KANK4: variants seen among roughly 807,000 people sequenced by gnomAD.
KANK4 encodes KN motif and ankyrin repeat domains 4.
A neutral mutation model predicts 80.8 loss-of-function variants in KANK4; 50 were observed. The ratio of observed to expected loss-of-function variants is 0.62; its 90% CI spans 0.49 to 0.78. KANK4 has a LOEUF of 0.78. Among genes scored for constraint, KANK4 ranks in the 30% least tolerant of loss-of-function variants. KANK4 has a pLI of 0.00. For missense variants in KANK4, 1,196 were observed against 1,240.1 expected, an observed-to-expected ratio of 0.96 and a Z score of 0.53; for synonymous variants, 465 against 506.9, an observed-to-expected ratio of 0.92 and a Z score of 1.11.
intron 1 of KANK4, among the ~76,000 whole-genome samples, chr1:62,301,683 T>C (rs966969089): frequency 6.6e-5 from 10 of 151,874 alleles, no homozygotes; most frequent in African/African-American, 2.2e-4. Context: ...AGCGTCCAAA[T>C]AGCTAACACG....
intron 9 of KANK4, among the ~76,000 whole-genome samples, chr1:62,240,677 AAATT>A (rs1557463450): frequency 1.3e-5 from 2 of 152,136 alleles, no homozygotes; most frequent in Non-Finnish European, 2.9e-5. Context: ...CTCAAAAAAT[AAATT>A]AATTAATTAA....
chr1:62,266,067 T>C (rs1185183479), intron 6 of KANK4, among the ~76,000 whole-genome samples: 1 of 152,216 alleles, frequency 6.6e-6, no homozygotes, highest in Non-Finnish European at 1.5e-5. Context: ...TTTCACACTC[T>C]GTCCACAGTC....
chr1:62,248,366 GT>G (rs1238273642), intron 8 of KANK4, among the ~76,000 whole-genome samples: 3 of 151,926 alleles, frequency 2.0e-5, no homozygotes, highest in Non-Finnish European at 4.4e-5. Flanking sequence ...TTGATTCTTG[GT>G]TTTTCTTTTC....
intron 6 of KANK4, among the ~76,000 whole-genome samples, chr1:62,263,607 C>G (rs1671947441): frequency 6.6e-6 from 1 of 152,148 alleles, no homozygotes; most frequent in Admixed American, 6.5e-5. Context: ...CTCACACCCC[C>G]CAGTAAGAAG....
intron 1 of KANK4, among the ~76,000 whole-genome samples, chr1:62,310,738 G>A (rs914827348): frequency 9.9e-5 from 15 of 152,144 alleles, no homozygotes; most frequent in Admixed American, 3.3e-4. Flanking sequence ...CTTCCTAAAA[G>A]AGCTCACCTG....
At chr1:62,271,628 G>C in intron 3 of KANK4, 39 bp from the exon 4 acceptor site, 2 of 1,452,674 alleles carry the variant, frequency 1.4e-6, no homozygotes, top group Non-Finnish European at 1.9e-6. Context: ...ATGATCTTGG[G>C]GATGCATGGG....
At chr1:62,311,867 T>C (rs1644500830) in intron 1 of KANK4, among the ~76,000 whole-genome samples, 1 of 152,164 alleles carries the variant, frequency 6.6e-6, no homozygotes, top group Non-Finnish European at 1.5e-5. Context: ...TGCCAACAAT[T>C]AAATAAAATT....
At chr1:62,291,366 C>A (rs936753518) in intron 1 of KANK4, among the ~76,000 whole-genome samples, 2 of 152,142 alleles carry the variant, frequency 1.3e-5, no homozygotes, top group Non-Finnish European at 2.9e-5. Flanking sequence ...CAAAAAATTT[C>A]TTCTTGATAT....
At position 62,292,070 on chromosome 1, in the gene KANK4, A is replaced by T. The variant is rs542019377; in HGVS notation, c.-70-10436T>A. Among the ~76,000 whole-genome samples the T allele has an allele frequency of 3.9e-5, 6 of 152,246 alleles. No homozygotes were observed. The East Asian group carries it at 1.2e-3, about 29-fold the overall frequency. ...CCACTCCCCATTCCCTCCCAGCCCC[A>T]GGAAACCATGAATTTACTTTCTGTC... On this transcript the variant is annotated intron_variant, in intron 1 of 9. Transcript: ENST00000371153.
chr1:62,311,834 C>T (rs1644500657), intron 1 of KANK4, among the ~76,000 whole-genome samples: 1 of 152,198 alleles, frequency 6.6e-6, no homozygotes, highest in Non-Finnish European at 1.5e-5. Flanking sequence ...ACCCAAACCA[C>T]AAATTCTGCG....
chr1:62,265,122 C>A (rs1019969794), intron 6 of KANK4, among the ~76,000 whole-genome samples: 2 of 151,030 alleles, frequency 1.3e-5, no homozygotes, highest in Non-Finnish European at 3.0e-5. Flanking sequence ...TGAGCCACTG[C>A]GACCGGTCGA....
chr1:62,318,896 C>CT (rs1644565137), intron 1 of KANK4, among the ~76,000 whole-genome samples: 1 of 152,198 alleles, frequency 6.6e-6, no homozygotes, highest in African/African-American at 2.4e-5. Flanking sequence ...AGACCCCAGG[C>CT]TGGGAGGCGG....
rs1672260142 is a variant in KANK4 at position 62,274,553 on chromosome 1, G to C, written c.551C>G (p.Pro184Arg). The C allele has an allele frequency of 1.6e-5, 26 of 1,614,036 alleles. No individual in the cohort carries two copies. The highest frequency in any genetic ancestry group is 2.2e-5 in the Non-Finnish European group (26 of 1,179,928). Reference protein sequence around the residue: ...ASEEPGLSLGPPAPPALPPLQ... With the variant: ...ASEEPGLSLGRPAPPALPPLQ... ...GGGAGGGAGGGCAGGAGGGGCAGGG[G>C]GCCCCAGGCTCAGGCCTGGCTCCTC... Residue 184 changes from proline (P) to arginine (R), a missense_variant, in exon 3 of 10, where the codon CCC becomes CGC. Around this residue, in one of 3 missense-constraint regions of KANK4, gnomAD observed 1,154 missense variants for 1,179.6 expected, o/e 0.98. Transcript: ENST00000371153.
intron 2 of KANK4, among the ~76,000 whole-genome samples, chr1:62,276,759 G>C (rs893592306): frequency 1.8e-5 from 2 of 112,110 alleles, no homozygotes; most frequent in African/African-American, 7.6e-5. Context: ...CCTGGGCAAC[G>C]ATAGCAAAAC....
At position 62,238,270 on chromosome 1, in the gene KANK4, G is replaced by T; in HGVS notation, c.*7C>A. The T allele has an allele frequency of 6.2e-7, 1 of 1,606,142 alleles. No homozygotes were observed. Among genetic ancestry groups the T allele is most frequent in the Non-Finnish European group, 8.5e-7 (1 of 1,173,032 alleles). ...TTTGTTCCCCACGGCCAGTTCTTCT[G>T]CAGCCCCTACAGCCCCAGGGACCTG... On this transcript the variant is annotated 3_prime_UTR_variant, in exon 10 of 10. Coordinates refer to ENST00000371153, the MANE Select transcript of KANK4 (RefSeq NM_181712.5).
At chr1:62,250,351 T>C (rs1671583448) in intron 8 of KANK4, among the ~76,000 whole-genome samples, 1 of 152,256 alleles carries the variant, frequency 6.6e-6, no homozygotes, top group Admixed American at 6.5e-5. Context: ...CTCTGCCTGA[T>C]GCAGGGCCCC....
At chr1:62,253,409 C>CTTTTTTTTTTTTTTTTTTT (rs34488630) in intron 7 of KANK4, among the ~76,000 whole-genome samples, 200 bp from the exon 8 acceptor site, 13 of 110,974 alleles carry the variant, frequency 1.2e-4, no homozygotes, top group East Asian at 2.8e-4. Flanking sequence ...TTCTTTCTTT[C>CTTTTTTTTTTTTTTTTTTT]TTTTTTTTTT....
At chr1:62,251,304 G>A (rs1461054863) in intron 8 of KANK4, among the ~76,000 whole-genome samples, 3 of 152,048 alleles carry the variant, frequency 2.0e-5, no homozygotes, top group South Asian at 2.1e-4. Flanking sequence ...CCTTTGTCTC[G>A]GGCACAGAAG....
At chr1:62,306,595 T>A (rs550825319) in intron 1 of KANK4, among the ~76,000 whole-genome samples, 1 of 152,292 alleles carries the variant, frequency 6.6e-6, no homozygotes, top group East Asian at 1.9e-4. Flanking sequence ...TATCATTTTT[T>A]AAACAGATTC....
Sources: gnomAD v4.1 joint callset for allele counts (sites outside exome capture counted in the v4.1 genomes callset) on GRCh38, gnomAD v4.1.1 for gene constraint, gnomAD v4.1.1 regional missense constraint, MANE v1.5 for transcripts, NCBI Gene and HGNC (gene_info 2026-07-23, HGNC 2026-07-21) for gene names.